The following RAD51B variants were observed in gnomAD, a reference collection of about 807,000 sequenced individuals.
RAD51B encodes the protein RAD51 paralog B, also known as DNA repair protein RAD51 homolog 2.
A neutral mutation model predicts 42.2 loss-of-function variants in RAD51B; 38 were observed. The ratio of observed to expected loss-of-function variants is 0.90; its 90% CI spans 0.70 to 1.18. The LOEUF is 1.18. Among genes scored for constraint, RAD51B ranks in the 50% most tolerant of loss-of-function variants. RAD51B has a pLI of 0.00. For synonymous variants in RAD51B, 154 were observed against 145.2 expected (o/e 1.06, Z -0.43); for missense variants, 373 against 400.7 (o/e 0.93, Z 0.59).
At chr14:68,523,047 G>A (rs920712033) in intron 10 of RAD51B, among the ~76,000 whole-genome samples, 1 of 152,184 alleles carries the variant, frequency 6.6e-6, no homozygotes, top group Non-Finnish European at 1.5e-5. Flanking sequence ...AACTTGGTAA[G>A]ATAAAGTGAA....
chr14:68,564,989 T>G (rs1431807107), intron 10 of RAD51B, among the ~76,000 whole-genome samples: 2 of 152,220 alleles, frequency 1.3e-5, no homozygotes, highest in Non-Finnish European at 2.9e-5. Context: ...CTGAGCCAGA[T>G]TCCAGCCTCC....
At chr14:67,959,879 A>G (rs1244060563) in intron 7 of RAD51B, among the ~76,000 whole-genome samples, 1 of 152,124 alleles carries the variant, frequency 6.6e-6, no homozygotes, top group Non-Finnish European at 1.5e-5. Context: ...CAGGAGTTTG[A>G]AACTAGCCTG....
chr14:68,432,923 A>T (rs1341842774), intron 9 of RAD51B, among the ~76,000 whole-genome samples: 1 of 151,950 alleles, frequency 6.6e-6, no homozygotes, highest in African/African-American at 2.4e-5. Flanking sequence ...TTCCTTCAGG[A>T]GCTCTTTTAG....
chr14:68,673,488 C>T (rs1347262789), intron 11 of RAD51B, among the ~76,000 whole-genome samples: 6 of 150,488 alleles, frequency 4.0e-5, no homozygotes, highest in East Asian at 1.9e-4. Context: ...CACACATGCA[C>T]ATACTGTACA....
At chr14:68,473,325 C>T (rs1403227054) in intron 10 of RAD51B, among the ~76,000 whole-genome samples, 1 of 152,192 alleles carries the variant, frequency 6.6e-6, no homozygotes, top group African/African-American at 2.4e-5. Flanking sequence ...CACATTGTCC[C>T]CAGCCTGCCA....
In RAD51B at chr14:68,441,324, C is replaced by T. The variant is rs985236302; in HGVS notation, c.958-26848C>T. On this transcript the variant is annotated intron_variant, in intron 9 of 10. Transcript: ENST00000471583. ...TTGGGAGGCCGAGGTGGGTGGATCA[C>T]GAGGTCAGGAGATCAAGACCATCCT... 2.1e-5 allele frequency among the ~76,000 whole-genome samples: 3 copies of T among 146,086 alleles called. No individual in the cohort carries two copies. The East Asian group carries it at 7.1e-4, about 34-fold the overall frequency.
intron 7 of RAD51B, among the ~76,000 whole-genome samples, chr14:68,177,419 A>G (rs2078982737): frequency 6.6e-6 from 1 of 152,156 alleles, no homozygotes; most frequent in Non-Finnish European, 1.5e-5. Flanking sequence ...AGAGTGATCT[A>G]ATTATACATG....
chr14:68,480,977 G>T (rs1282328045), downstream of RAD51B, among the ~76,000 whole-genome samples: 1 of 152,080 alleles, frequency 6.6e-6, no homozygotes, highest in African/African-American at 2.4e-5. Context: ...ACTCTCTTTG[G>T]GGGTAGTTCT....
chr14:68,654,488 C>T (rs548533937), intron 11 of RAD51B, among the ~76,000 whole-genome samples: 5 of 152,304 alleles, frequency 3.3e-5, no homozygotes, highest in Non-Finnish European at 7.3e-5. Flanking sequence ...CTAATTTTGT[C>T]GCTGTCAGTG....
At chr14:68,469,271 G>A (rs1403990444) in intron 10 of RAD51B, among the ~76,000 whole-genome samples, 5 of 152,250 alleles carry the variant, frequency 3.3e-5, no homozygotes, top group Non-Finnish European at 7.3e-5. Flanking sequence ...ACACAATGCA[G>A]TGCAAAGACC....
chr14:68,033,134 A>G (rs2076072641), intron 7 of RAD51B, among the ~76,000 whole-genome samples: 1 of 152,160 alleles, frequency 6.6e-6, no homozygotes, highest in Non-Finnish European at 1.5e-5. Flanking sequence ...TGTCTTTTTC[A>G]TTCTCTACCA....
At chr14:68,012,368 C>A (rs1362367731) in intron 7 of RAD51B, among the ~76,000 whole-genome samples, 1 of 152,040 alleles carries the variant, frequency 6.6e-6, no homozygotes, top group Non-Finnish European at 1.5e-5. Flanking sequence ...GTTATTGTAG[C>A]ACTCACAAGT....
At chr14:68,257,531 T>G (rs919235238) in intron 7 of RAD51B, among the ~76,000 whole-genome samples, 1 of 152,136 alleles carries the variant, frequency 6.6e-6, no homozygotes, top group South Asian at 2.1e-4. Context: ...TAAAATTAAA[T>G]GATTTTGTAT....
Position 68,465,954 on chromosome 14 carries a change from ATAAAT to A in RAD51B, c.958-2217_958-2213del, listed in dbSNP as rs1258506976. Among the ~76,000 whole-genome samples the A allele has an allele frequency of 1.7e-3, 67 of 40,400 alleles. 1 individual carries two copies. Among genetic ancestry groups the A allele is most frequent in the African/African-American group, 8.0e-3 (62 of 7,730 alleles). The allele number at this position is 40,400 out of a possible 152,430, so 26.5% of individuals were successfully genotyped here. ...AGACTCTGTCTCAAAAAAAAAAAAA[ATAAAT>A]AAATAAATAAATAAATAAATAAATA... is the stretch of plus-strand genomic sequence containing the variant. On this transcript the variant is annotated intron_variant, in intron 9 of 10. Coordinates refer to ENST00000471583, the MANE Select transcript of RAD51B (RefSeq NM_133510.4).
chr14:68,134,863 TC>T (rs2077976028), intron 7 of RAD51B, among the ~76,000 whole-genome samples: 1 of 152,050 alleles, frequency 6.6e-6, no homozygotes, highest in African/African-American at 2.4e-5. Flanking sequence ...AAATATTTTC[TC>T]CCATTCTGTA....
intron 7 of RAD51B, among the ~76,000 whole-genome samples, chr14:68,025,549 A>G (rs1432664997): frequency 7.4e-6 from 1 of 134,670 alleles, no homozygotes; most frequent in Non-Finnish European, 1.5e-5. Flanking sequence ...ATTTAATTTC[A>G]GAACTCAGTA....
At chr14:68,571,636 A>G (rs1271995125) in intron 10 of RAD51B, among the ~76,000 whole-genome samples, 1 of 152,228 alleles carries the variant, frequency 6.6e-6, no homozygotes, top group Admixed American at 6.5e-5. Flanking sequence ...AAGGTTAGCT[A>G]ACTAACAGCC....
chr14:68,377,847 G>A (rs1317388252), intron 8 of RAD51B, among the ~76,000 whole-genome samples: 1 of 152,192 alleles, frequency 6.6e-6, no homozygotes, highest in Non-Finnish European at 1.5e-5. Context: ...GACAAAATCA[G>A]CACTTCTCAA....
intron 5 of RAD51B, among the ~76,000 whole-genome samples, chr14:67,875,740 G>A (rs903931694): frequency 2.0e-5 from 3 of 152,058 alleles, no homozygotes; most frequent in African/African-American, 4.8e-5. Context: ...ATTATTATGC[G>A]CCATACAGCT....
Sources: allele counts gnomAD v4.1 joint callset (sites outside exome capture counted in the v4.1 genomes callset), GRCh38; gene constraint gnomAD v4.1.1; transcripts MANE v1.5; gene names NCBI Gene and HGNC (gene_info 2026-07-23, HGNC 2026-07-21).